Variants in PCDHA9 observed in about 807,000 individuals in gnomAD.
PCDHA9 encodes the protein protocadherin alpha 9, also known as protocadherin alpha-9.
PCDHA9 carries 62 observed loss-of-function variants against 62.0 expected under a neutral mutation model. That is an observed-to-expected ratio of 1.00 (90% CI 0.81 to 1.23). The LOEUF (loss-of-function observed/expected upper bound fraction) is 1.23, where lower values mean the gene tolerates loss of function less well. Ranked by LOEUF, PCDHA9 falls within the 50% of genes most tolerant of loss-of-function variation. The pLI, the probability that PCDHA9 is intolerant of heterozygous loss-of-function variation, is 0.00. For synonymous variants in PCDHA9, 557 were observed against 567.6 expected (o/e 0.98, Z 0.27); for missense variants, 1,205 against 1,249.8 (o/e 0.96, Z 0.54).
intron 1 of PCDHA9, among the ~76,000 whole-genome samples, chr5:140,936,534 T>C (rs1327354780): frequency 1.3e-5 from 2 of 152,230 alleles, no homozygotes; most frequent in African/African-American, 2.4e-5. Context: ...TGCTTTTGAA[T>C]ATAGTGCAAT....
chr5:140,976,888 A>G (rs1050816491), intron 1 of PCDHA9, among the ~76,000 whole-genome samples: 1 of 152,218 alleles, frequency 6.6e-6, no homozygotes, highest in African/African-American at 2.4e-5. Context: ...ATTAGGATAC[A>G]TGCAACAGTA....
At chr5:140,875,875 G>T in intron 1 of PCDHA9, 1 of 1,614,232 alleles carries the variant, frequency 6.2e-7, no homozygotes, top group South Asian at 1.1e-5. Flanking sequence ...GGTGTTCAGA[G>T]AAAGGGAACA....
intron 1 of PCDHA9, chr5:140,928,537 A>G (rs2085311063): frequency 1.2e-6 from 2 of 1,614,198 alleles, no homozygotes; most frequent in African/African-American, 2.7e-5. Context: ...GGTAGATAGG[A>G]ATGACAATTA....
At chr5:140,905,704 T>C (rs960569704) in intron 1 of PCDHA9, among the ~76,000 whole-genome samples, 2 of 152,242 alleles carry the variant, frequency 1.3e-5, no homozygotes, top group African/African-American at 4.8e-5. Context: ...TCATTTATGA[T>C]TTCCTTCAGC....
intron 3 of PCDHA9, among the ~76,000 whole-genome samples, chr5:140,986,690 A>G (rs2097209589): frequency 6.6e-6 from 1 of 152,172 alleles, no homozygotes; most frequent in African/African-American, 2.4e-5. Flanking sequence ...AAAGTTTCAA[A>G]ACACACAGCA....
intron 1 of PCDHA9, among the ~76,000 whole-genome samples, chr5:140,975,626 G>A (rs1234889198): frequency 6.6e-6 from 1 of 152,156 alleles, no homozygotes; most frequent in African/African-American, 2.4e-5. Flanking sequence ...GATTTCCATG[G>A]TACGAAGATA....
chr5:140,870,780 C>T (rs782242319), intron 1 of PCDHA9: 3 of 1,613,508 alleles, frequency 1.9e-6, no homozygotes, highest in Non-Finnish European at 2.5e-6. Context: ...ACGAGAACGA[C>T]AACGCGCCGG....
chr5:141,006,872 G>T (rs1211849672), intron 3 of PCDHA9, among the ~76,000 whole-genome samples: 1 of 152,144 alleles, frequency 6.6e-6, no homozygotes, highest in Non-Finnish European at 1.5e-5. Flanking sequence ...ATAGATTCGA[G>T]GAATCAAGAG....
At chr5:140,979,109 G>A (rs979649515) in intron 2 of PCDHA9, 102 bp downstream of exon 2, 1 of 1,524,682 alleles carries the variant, frequency 6.6e-7, no homozygotes, top group Admixed American at 2.3e-5. Context: ...AAACTAAAAA[G>A]CTTTAGGTAC....
chr5:141,002,877 A>G (rs989540490), intron 3 of PCDHA9, among the ~76,000 whole-genome samples: 1 of 152,252 alleles, frequency 6.6e-6, no homozygotes, highest in Non-Finnish European at 1.5e-5. Context: ...CCTCAAGAAC[A>G]GAAAGAGAAC....
intron 1 of PCDHA9, among the ~76,000 whole-genome samples, chr5:140,978,570 G>C (rs151127662): frequency 6.6e-6 from 1 of 152,196 alleles, no homozygotes; most frequent in Middle Eastern, 3.2e-3. Flanking sequence ...CTGTAATACT[G>C]AATTGGGAAT....
chr5:141,008,286 A>G (rs944894226), intron 3 of PCDHA9, among the ~76,000 whole-genome samples: 1 of 152,248 alleles, frequency 6.6e-6, no homozygotes, highest in Admixed American at 6.5e-5. Flanking sequence ...TTGAAATAGC[A>G]GTTGTACCCA....
At chr5:140,884,581 C>A in intron 1 of PCDHA9, 1 of 1,614,184 alleles carries the variant, frequency 6.2e-7, no homozygotes, top group African/African-American at 1.3e-5. Context: ...ACCTCATGGC[C>A]TTCAGTCCCA....
At chr5:140,870,029 A>T (rs1201766971) in intron 1 of PCDHA9, 4 of 1,613,792 alleles carry the variant, frequency 2.5e-6, no homozygotes, top group Non-Finnish European at 3.4e-6. Flanking sequence ...ACTTTAGATT[A>T]TGAAGAAAAC....
intron 1 of PCDHA9, chr5:140,967,136 C>T (rs782698899): frequency 6.8e-6 from 11 of 1,611,568 alleles, no homozygotes; most frequent in Non-Finnish European, 9.3e-6. Context: ...CTTGGAAGTG[C>T]TGGCGCACAA....
intron 1 of PCDHA9, among the ~76,000 whole-genome samples, chr5:140,911,001 C>T (rs543025308): frequency 1.3e-5 from 2 of 152,220 alleles, no homozygotes; most frequent in African/African-American, 4.8e-5. Context: ...CCCCTAGGGC[C>T]CTCCTGGGAC....
At chr5:140,884,428 G>C in intron 1 of PCDHA9, 1 of 1,613,962 alleles carries the variant, frequency 6.2e-7, no homozygotes, top group Non-Finnish European at 8.5e-7. Context: ...TGTATACTGC[G>C]CTGCGGTGCT....
Position 140,971,209 on chromosome 5 carries a change from C to A in PCDHA9, c.2395-7740C>A, listed in dbSNP as rs147218200. 2.2e-3 allele frequency among the ~76,000 whole-genome samples: 328 copies of A among 152,236 alleles called. 3 individuals are homozygous for A. Among genetic ancestry groups the A allele is most frequent in the African/African-American group, 7.7e-3 (319 of 41,534 alleles). Reference sequence around the variant, plus strand: ...AAGCTCAGAGGAAAGACACTGTTACCCTCCCTCTCCTGACTCAAAGCTTGG... The same window carrying A: ...AAGCTCAGAGGAAAGACACTGTTACACTCCCTCTCCTGACTCAAAGCTTGG... On this transcript the variant is annotated intron_variant, in intron 1 of 3. Coordinates refer to ENST00000532602, the MANE Select transcript of PCDHA9 (RefSeq NM_031857.2).
At chr5:140,854,866 A>G (rs1479587477) in intron 1 of PCDHA9, among the ~76,000 whole-genome samples, 3 of 149,974 alleles carry the variant, frequency 2.0e-5, no homozygotes, top group Non-Finnish European at 4.5e-5. Context: ...GATATATTTC[A>G]GAACTGTGTC....
Sources: gnomAD v4.1 joint callset for allele counts (sites outside exome capture counted in the v4.1 genomes callset) on GRCh38, gnomAD v4.1.1 for gene constraint, MANE v1.5 for transcripts, NCBI Gene and HGNC (gene_info 2026-07-23, HGNC 2026-07-21) for gene names.